Variants in DDX11 observed in about 807,000 individuals in gnomAD.
DDX11 encodes ATP-dependent DNA helicase DDX11.
DDX11 carries 72 observed loss-of-function variants against 125.2 expected under a neutral mutation model. The observed-to-expected ratio is 0.58, with a 90% CI of 0.48 to 0.70. The LOEUF (loss-of-function observed/expected upper bound fraction) is 0.70. DDX11 is among the 30% of genes least tolerant of loss of function. The pLI, the probability that DDX11 is intolerant of heterozygous loss-of-function variation, is 0.00. For missense variants in DDX11, 883 were observed against 1,165.0 expected, an observed-to-expected ratio of 0.76 and a Z score of 3.52; for synonymous variants, 347 against 452.6, an observed-to-expected ratio of 0.77 and a Z score of 2.96.
At chr12:31,084,459 G>A in intron 3 of DDX11, 124 bp from the exon 4 acceptor site, 1 of 896,512 alleles carries the variant, frequency 1.1e-6, no homozygotes, top group Non-Finnish European at 1.8e-6. Context: ...CAGCCCTTGA[G>A]TGCTGGCCGG....
At chr12:31,101,419 C>G in intron 20 of DDX11, 1 of 536,712 alleles carries the variant, frequency 1.9e-6, no homozygotes, top group Non-Finnish European at 3.4e-6. Flanking sequence ...CCCTTTGGCT[C>G]TCTTGCCCTT....
At chr12:31,089,641 G>T (rs1005778566) in intron 8 of DDX11, 151 bp downstream of exon 8, 1 of 1,027,906 alleles carries the variant, frequency 9.7e-7, no homozygotes, top group Admixed American at 2.0e-5. Flanking sequence ...GGGAAAAAGT[G>T]TTCCTACTCT....
At chr12:31,074,914 C>G (rs1940486528) in intron 1 of DDX11, among the ~76,000 whole-genome samples, 1 of 152,154 alleles carries the variant, frequency 6.6e-6, no homozygotes, top group Non-Finnish European at 1.5e-5. Flanking sequence ...TCTCACAGTC[C>G]CAGAGGCTTG....
intron 2 of DDX11, among the ~76,000 whole-genome samples, chr12:31,079,207 G>GT (rs1203032562): frequency 1.3e-5 from 2 of 151,874 alleles, no homozygotes; most frequent in Non-Finnish European, 2.9e-5. Context: ...TTAATATTCT[G>GT]TTTTTTCTAG....
intron 11 of DDX11, among the ~76,000 whole-genome samples, 159 bp downstream of exon 11, chr12:31,093,051 GCA>G (rs2140835682): frequency 6.6e-6 from 1 of 152,108 alleles, no homozygotes; most frequent in African/African-American, 2.4e-5. Flanking sequence ...GGTGTGTGCT[GCA>G]CACAGACCTG....
chr12:31,091,561 C>T (rs913832709), intron 9 of DDX11, 158 bp from the exon 10 acceptor site: 20 of 705,000 alleles, frequency 2.8e-5, no homozygotes, highest in African/African-American at 3.6e-5. Context: ...ATGTGAAACT[C>T]GAGGAGAGCT....
At chr12:31,099,004 C>T (rs75461110) in intron 18 of DDX11, among the ~76,000 whole-genome samples, 16,057 of 150,508 alleles carry the variant, frequency 0.11, 932 homozygotes, top group Middle Eastern at 0.22. Context: ...GGGTGTTTGT[C>T]GTGCTCCTGG....
chr12:31,098,729 T>G (rs1945775991), intron 18 of DDX11, among the ~76,000 whole-genome samples: 1 of 152,258 alleles, frequency 6.6e-6, no homozygotes, highest in African/African-American at 2.4e-5. Context: ...TTTTATATTT[T>G]TGTATGGATA....
At chr12:31,085,689 GC>G in intron 5 of DDX11, among the ~76,000 whole-genome samples, 1 of 152,356 alleles carries the variant, frequency 6.6e-6, no homozygotes, top group Non-Finnish European at 1.5e-5. Flanking sequence ...CCTGGTCACA[GC>G]CCTGTTCCCA....
chr12:31,092,928 C>G, intron 11 of DDX11, 36 bp downstream of exon 11: 1 of 1,612,956 alleles, frequency 6.2e-7, no homozygotes, highest in Non-Finnish European at 8.5e-7. Flanking sequence ...GGGACAGTCC[C>G]TTGGTGGCCC....
chr12:31,075,503 C>G (rs958602853), intron 1 of DDX11, among the ~76,000 whole-genome samples: 1 of 151,780 alleles, frequency 6.6e-6, no homozygotes, highest in African/African-American at 2.4e-5. Flanking sequence ...TTTACTGAGT[C>G]TCAGTTTCTT....
chr12:31,098,426 C>T (rs1241692318), intron 18 of DDX11, among the ~76,000 whole-genome samples: 5 of 152,420 alleles, frequency 3.3e-5, no homozygotes, highest in South Asian at 4.1e-4. Context: ...GCTCTTTTCA[C>T]TCAGCAGCCA....
At chr12:31,101,417 C>T in intron 20 of DDX11, 1 of 536,260 alleles carries the variant, frequency 1.9e-6, no homozygotes. Flanking sequence ...TTCCCTTTGG[C>T]TCTCTTGCCC....
chr12:31,092,183 T>A (rs1592709553), intron 10 of DDX11, among the ~76,000 whole-genome samples: 2 of 152,066 alleles, frequency 1.3e-5, no homozygotes, highest in South Asian at 4.2e-4. Flanking sequence ...CCCCTCAGGA[T>A]TGGATTTTGT....
chr12:31,082,174 G>T, intron 2 of DDX11, among the ~76,000 whole-genome samples: 1 of 145,938 alleles, frequency 6.9e-6, no homozygotes, highest in African/African-American at 2.6e-5. Flanking sequence ...AGATTTTGAT[G>T]AAAACTAATA....
rs957492926 is a variant in DDX11 at position 31,093,489 on chromosome 12, T to C, written c.1369+165T>C. 12 of 874,676 alleles carry C rather than the reference T, an allele frequency of 1.4e-5. No individual in the cohort carries two copies. In the African/African-American group the frequency reaches 1.7e-4, roughly 12 times the overall value. The allele number at this position is 874,676 out of a possible 1,614,324, so 54.2% of individuals were successfully genotyped here. ...CCAGCACTTGGGAGGCCGAGGCAGG[T>C]GGTTCACCTGAGGTTAGGAGTTTTG... On this transcript the variant is annotated intron_variant, in intron 12 of 26. Transcript: ENST00000542838.
chr12:31,102,273 G>C lies in DDX11; in HGVS notation c.2233G>C (p.Val745Leu). 6.2e-7 allele frequency: 1 copy of C among 1,614,168 alleles called. No homozygotes were observed. Among genetic ancestry groups the C allele is most frequent in the Non-Finnish European group, 8.5e-7 (1 of 1,179,980 alleles). The change falls in exon 22 of 27, where the codon GTG (valine) becomes CTG (leucine). Residue 745 changes from valine (V) to leucine (L), a missense_variant. By Grantham distance (32) the Val-to-Leu change is conservative. Around this residue, in one of 5 missense-constraint regions of DDX11, gnomAD observed 285 missense variants for 346.0 expected, o/e 0.82. Transcript: ENST00000542838. ...CCAGGAACCTAAGAGCGCACACCAG[G>C]TGGAGCAGGTGCTGCTGGCATATTC... Reference protein sequence around the residue: ...IFQEPKSAHQVEQVLLAYSRC... With the variant: ...IFQEPKSAHQLEQVLLAYSRC...
At chr12:31,086,163 T>C in intron 5 of DDX11, 1 of 453,640 alleles carries the variant, frequency 2.2e-6, no homozygotes. Flanking sequence ...CCAAACACCC[T>C]GCCCTCCTCC....
At chr12:31,078,166 A>G (rs1684012454) in intron 1 of DDX11, 3 of 1,476,500 alleles carry the variant, frequency 2.0e-6, no homozygotes, top group African/African-American at 2.8e-5. Context: ...CCTGGTCTGC[A>G]TTCTGCTACA....
Sources: allele counts gnomAD v4.1 joint callset (sites outside exome capture counted in the v4.1 genomes callset), GRCh38; gene constraint gnomAD v4.1.1; regional missense constraint gnomAD v4.1.1; transcripts MANE v1.5; gene names NCBI Gene and HGNC (gene_info 2026-07-23, HGNC 2026-07-21).